CCSER1: variants seen among roughly 807,000 people sequenced by gnomAD.
CCSER1 encodes the protein serine-rich coiled-coil domain-containing protein 1.
A neutral mutation model predicts 82.0 loss-of-function variants in CCSER1; 41 were observed. That is an observed-to-expected ratio of 0.50 (90% confidence interval 0.39 to 0.65). CCSER1 has a LOEUF of 0.65. Ranked by LOEUF, CCSER1 falls within the 30% of genes least tolerant of loss-of-function variation. The pLI, the probability that CCSER1 is intolerant of heterozygous loss-of-function variation, is 0.00. For missense variants in CCSER1, 1,119 were observed against 1,064.2 expected (o/e 1.05, Z -0.72); for synonymous variants, 414 against 383.9 (o/e 1.08, Z -0.92).
At chr4:90,389,558 A>G (rs995122462) in intron 3 of CCSER1, among the ~76,000 whole-genome samples, 4 of 152,184 alleles carry the variant, frequency 2.6e-5, no homozygotes, top group African/African-American at 9.6e-5. Context: ...ATAATGGGAT[A>G]TTATTAGGTA....
At chr4:91,529,570 C>T (rs930047036) in intron 10 of CCSER1, among the ~76,000 whole-genome samples, 8 of 152,018 alleles carry the variant, frequency 5.3e-5, no homozygotes, top group Non-Finnish European at 1.2e-4. Flanking sequence ...CATGAGAAAA[C>T]GTGGTCATTA....
intron 4 of CCSER1, among the ~76,000 whole-genome samples, chr4:90,437,186 TTTTTA>T (rs1382973854): frequency 2.6e-5 from 4 of 152,106 alleles, no homozygotes; most frequent in Admixed American, 2.6e-4. Context: ...CAAGTACTCA[TTTTTA>T]TTTTATGTTA....
At chr4:90,558,348 A>G (rs1402464738) in intron 5 of CCSER1, among the ~76,000 whole-genome samples, 1 of 152,186 alleles carries the variant, frequency 6.6e-6, no homozygotes, top group Non-Finnish European at 1.5e-5. Context: ...AATAATTGTA[A>G]AAACATTTTA....
rs573740205 is a variant in CCSER1, at chr4:91,306,898, G to A, written c.2217+220904G>A. 2.6e-5 allele frequency among the ~76,000 whole-genome samples: 4 copies of A among 152,038 alleles called. No homozygotes were observed. In the South Asian group the frequency reaches 6.2e-4, roughly 24 times the overall value. On this transcript the variant is annotated intron_variant, in intron 10 of 10. Coordinates refer to ENST00000509176, the MANE Select transcript of CCSER1 (RefSeq NM_001145065.2). ...TTTTTTCTGCTGCACTCTGAGGAAG[G>A]TGTCTGACTTTTTATTAAAGGCACA...
At chr4:91,132,564 T>C (rs1344856385) in intron 10 of CCSER1, among the ~76,000 whole-genome samples, 1 of 152,204 alleles carries the variant, frequency 6.6e-6, no homozygotes, top group East Asian at 1.9e-4. Flanking sequence ...TTTTCCAAGC[T>C]CTCTGCTGGT....
chr4:91,227,305 C>T (rs953195362), intron 10 of CCSER1, among the ~76,000 whole-genome samples: 1 of 151,042 alleles, frequency 6.6e-6, no homozygotes, highest in African/African-American at 2.4e-5. Flanking sequence ...AAAAGGAAAC[C>T]AGCAAATAAA....
intron 1 of CCSER1, among the ~76,000 whole-genome samples, chr4:90,153,106 A>G (rs1007535748): frequency 5.0e-5 from 7 of 140,150 alleles, no homozygotes; most frequent in African/African-American, 8.0e-5. Flanking sequence ...TCATTGTTCA[A>G]TTCCCACCTA....
intron 1 of CCSER1, among the ~76,000 whole-genome samples, chr4:90,300,274 A>G (rs916033967): frequency 6.6e-6 from 1 of 152,120 alleles, no homozygotes; most frequent in African/African-American, 2.4e-5. Flanking sequence ...GTTGGGACAC[A>G]TGTTTTGTTA....
At chr4:90,607,050 A>G (rs1784821077) in intron 5 of CCSER1, among the ~76,000 whole-genome samples, 1 of 152,216 alleles carries the variant, frequency 6.6e-6, no homozygotes, top group South Asian at 2.1e-4. Flanking sequence ...AGGAGAACAC[A>G]GTAAGATTAA....
At chr4:90,619,485 G>T (rs1721915000) in intron 5 of CCSER1, among the ~76,000 whole-genome samples, 1 of 152,010 alleles carries the variant, frequency 6.6e-6, no homozygotes, top group Non-Finnish European at 1.5e-5. Context: ...GACATAGGAA[G>T]ACCCGCCAAC....
chr4:91,163,067 T>A (rs1306406376), intron 10 of CCSER1, among the ~76,000 whole-genome samples: 4 of 152,230 alleles, frequency 2.6e-5, no homozygotes, highest in African/African-American at 9.6e-5. Flanking sequence ...TTGTGGGCAT[T>A]TAGTGCTATA....
chr4:91,121,012 T>A (rs1727037659), intron 10 of CCSER1, among the ~76,000 whole-genome samples: 1 of 151,930 alleles, frequency 6.6e-6, no homozygotes, highest in African/African-American at 2.4e-5. Flanking sequence ...TGGAAAAGGG[T>A]CATATAGAAA....
chr4:91,379,179 C>T (rs1443629543), intron 10 of CCSER1, among the ~76,000 whole-genome samples: 1 of 152,106 alleles, frequency 6.6e-6, no homozygotes, highest in African/African-American at 2.4e-5. Flanking sequence ...ATTTTTGCAT[C>T]GATCTTCATC....
intron 10 of CCSER1, among the ~76,000 whole-genome samples, chr4:91,398,075 T>G (rs1240103639): frequency 6.6e-6 from 1 of 151,996 alleles, no homozygotes; most frequent in Non-Finnish European, 1.5e-5. Flanking sequence ...TTTTTAAAAC[T>G]TTTTGGGTCT....
chr4:90,971,663 A>T (rs747488135), intron 9 of CCSER1, among the ~76,000 whole-genome samples: 2 of 151,958 alleles, frequency 1.3e-5, no homozygotes, highest in African/African-American at 4.8e-5. Context: ...CTCATATTAC[A>T]AGGCCCAAAT....
intron 4 of CCSER1, among the ~76,000 whole-genome samples, chr4:90,438,356 A>G (rs144280278): frequency 0.017 from 2,576 of 152,228 alleles, 71 homozygotes; most frequent in African/African-American, 0.059. Context: ...TCACATTTTG[A>G]CTAAGATCCT....
At chr4:91,130,404 C>T (rs1727894945) in intron 10 of CCSER1, among the ~76,000 whole-genome samples, 1 of 151,800 alleles carries the variant, frequency 6.6e-6, no homozygotes, top group Admixed American at 6.6e-5. Flanking sequence ...CTCTGTGTGT[C>T]TGGATAATGA....
rs188550087 is a variant in CCSER1, at chr4:91,218,930, A to G, written c.2217+132936A>G. On this transcript the variant is annotated intron_variant, in intron 10 of 10. Coordinates refer to ENST00000509176, the MANE Select transcript of CCSER1 (RefSeq NM_001145065.2). ...AACACTAAATACGATACAAACCTAA[A>G]GCAACTGTGGCCATTTTGCTACCAC... Among the ~76,000 whole-genome samples the G allele has an allele frequency of 2.0e-5, 3 of 152,334 alleles. No homozygotes were observed. In the East Asian group the frequency reaches 5.8e-4, roughly 29 times the overall value.
intron 10 of CCSER1, among the ~76,000 whole-genome samples, chr4:91,186,859 T>C (rs577034991): frequency 6.6e-6 from 1 of 152,378 alleles, no homozygotes; most frequent in South Asian, 2.1e-4. Flanking sequence ...TAAGCAGTTT[T>C]CTGCCCTGGG....
Sources: allele counts gnomAD v4.1 joint callset (sites outside exome capture counted in the v4.1 genomes callset), GRCh38; gene constraint gnomAD v4.1.1; transcripts MANE v1.5; gene names NCBI Gene and HGNC (gene_info 2026-07-23, HGNC 2026-07-21).